The following UGGT1 variants were observed in gnomAD, a reference collection of about 807,000 sequenced individuals.
UGGT1 encodes UDP-glucose:glycoprotein glucosyltransferase 1.
UGGT1 carries 107 observed loss-of-function variants against 203.9 expected under a neutral mutation model. The ratio of observed to expected loss-of-function variants is 0.52; its 90% CI spans 0.45 to 0.62. The LOEUF (loss-of-function observed/expected upper bound fraction) is 0.62. UGGT1 is among the 20% of genes least tolerant of loss of function. The pLI is 0.00. For missense variants in UGGT1, 1,673 were observed against 1,867.2 expected, an observed-to-expected ratio of 0.90 and a Z score of 1.92; for synonymous variants, 628 against 653.5, an observed-to-expected ratio of 0.96 and a Z score of 0.59.
chr2:128,129,120 C>T lies in UGGT1; in HGVS notation c.1318C>T (p.Leu440=). 1.9e-6 allele frequency: 3 copies of T among 1,614,102 alleles called. No individual in the cohort carries two copies. The highest frequency in any genetic ancestry group is 2.5e-6 in the Non-Finnish European group (3 of 1,180,018). Residue 440 remains leucine (L), a synonymous_variant, in exon 13 of 41, where the codon CTG becomes TTG. Transcript: ENST00000259253. The part of the protein sequence containing the change: ...EGLSLHNVLK[L]NIQPSEADYA... ...CCTTTCTCTGCATAATGTTTTGAAG[C>T]TGAACATCCAGCCCTCTGAGGCAGA...
intron 7 of UGGT1, 131 bp downstream of exon 7, chr2:128,115,351 G>A: frequency 1.3e-6 from 1 of 743,740 alleles, no homozygotes; most frequent in South Asian, 1.8e-5. Flanking sequence ...TGTTACACCT[G>A]AGTGGGTGAC....
intron 3 of UGGT1, among the ~76,000 whole-genome samples, chr2:128,105,487 C>CTTTATTTTATTTTATTTTATTTTAT (rs70988607): frequency 1.7e-4 from 25 of 145,436 alleles, no homozygotes; most frequent in African/African-American, 5.5e-4. Flanking sequence ...CTAGATTTTA[C>CTTTATTTTATTTTATTTTATTTTAT]TTTATTTTAT....
chr2:128,168,908 A>C (rs1690935667), intron 26 of UGGT1, among the ~76,000 whole-genome samples: 1 of 152,000 alleles, frequency 6.6e-6, no homozygotes, highest in Non-Finnish European at 1.5e-5. Flanking sequence ...TTAGCTGGGC[A>C]TGGTGGCATG....
chr2:128,132,660 A>G (rs903140133), intron 13 of UGGT1, among the ~76,000 whole-genome samples: 1 of 152,224 alleles, frequency 6.6e-6, no homozygotes, highest in South Asian at 2.1e-4. Flanking sequence ...GTCTTCATCT[A>G]TTCTGTGGCT....
At chr2:128,130,906 A>C (rs1353303932) in intron 13 of UGGT1, among the ~76,000 whole-genome samples, 1 of 152,128 alleles carries the variant, frequency 6.6e-6, no homozygotes, top group Non-Finnish European at 1.5e-5. Context: ...AACCATAGGC[A>C]TGCACCACCT....
intron 4 of UGGT1, 26 bp from the exon 5 acceptor site, chr2:128,109,608 A>G (rs777454399): frequency 1.3e-6 from 2 of 1,562,074 alleles, no homozygotes; most frequent in Non-Finnish European, 1.8e-6. Context: ...AAATTTAAAA[A>G]GTATGTGTTG....
intron 2 of UGGT1, among the ~76,000 whole-genome samples, chr2:128,101,691 A>G (rs1276817661): frequency 6.6e-6 from 1 of 152,172 alleles, no homozygotes; most frequent in Non-Finnish European, 1.5e-5. Flanking sequence ...CAGCTTCTTT[A>G]TTTGAAAAAC....
intron 19 of UGGT1, 25 bp from the exon 20 acceptor site, chr2:128,155,464 A>G (rs199709869): frequency 4.6e-6 from 7 of 1,516,790 alleles, no homozygotes; most frequent in African/African-American, 1.4e-5. Flanking sequence ...GAACTAATAT[A>G]TACGTATTTC....
chr2:128,184,572 G>A (rs923197589), intron 38 of UGGT1, among the ~76,000 whole-genome samples: 3 of 152,044 alleles, frequency 2.0e-5, no homozygotes, highest in African/African-American at 7.2e-5. Flanking sequence ...AATCATTTTT[G>A]TTTCTTTATA....
In UGGT1 at chr2:128,160,543, T is replaced by C. The variant is rs1294850454; in HGVS notation, c.2646T>C (p.Asp882=). The change falls in exon 24 of 41, where the codon GAT becomes GAC. Residue 882 remains aspartate (D), a synonymous_variant. Coordinates refer to ENST00000259253, the MANE Select transcript of UGGT1 (RefSeq NM_020120.4). ...FILSHAVYCR[D]VLKLKKGQRA... is the part of the protein sequence containing the mutation. The stretch of plus-strand genomic sequence containing the variant: ...TGTCTCATGCCGTGTACTGCAGGGA[T>C]GTTCTGAAGCTGAAGAAGGGACAGA... The C allele has an allele frequency of 6.2e-7, 1 of 1,613,478 alleles. No individual in the cohort carries two copies. The highest frequency in any genetic ancestry group is 8.5e-7 in the Non-Finnish European group (1 of 1,179,884).
At chr2:128,145,145 G>C (rs992539708) in intron 17 of UGGT1, among the ~76,000 whole-genome samples, 5 of 152,132 alleles carry the variant, frequency 3.3e-5, no homozygotes, top group Admixed American at 6.5e-5. Flanking sequence ...GTTTTCTGCA[G>C]GTGTAATTTC....
chr2:128,188,102 C>T (rs1045149062), intron 40 of UGGT1, among the ~76,000 whole-genome samples: 5 of 151,490 alleles, frequency 3.3e-5, no homozygotes, highest in Non-Finnish European at 7.4e-5. Context: ...CTCACTGCAG[C>T]CTCCACCTCC....
intron 18 of UGGT1, chr2:128,151,070 T>G (rs562214493): frequency 7.8e-4 from 197 of 253,224 alleles, no homozygotes; most frequent in Middle Eastern, 5.8e-3. Flanking sequence ...AGGCTGGTCT[T>G]GAACTCCTGA....
intron 26 of UGGT1, among the ~76,000 whole-genome samples, chr2:128,170,086 C>A (rs1375419157): frequency 1.3e-5 from 2 of 152,156 alleles, no homozygotes; most frequent in African/African-American, 4.8e-5. Flanking sequence ...TTACATGGAC[C>A]TTTCAGTCCA....
In UGGT1 at chr2:128,178,372, A is replaced by G. The variant is rs186162130; in HGVS notation, c.3714-96A>G. On this transcript the variant is annotated intron_variant, in intron 33 of 40. Transcript: ENST00000259253. Reference sequence around the variant, plus strand: ...TCCTGCTGCAGCTCACCCGCTAGGGAAGGATGGGAAGCGCAGTCTCTTTCC... The same window carrying G: ...TCCTGCTGCAGCTCACCCGCTAGGGGAGGATGGGAAGCGCAGTCTCTTTCC... The G allele has an allele frequency of 1.1e-5, 11 of 1,035,392 alleles. No individual in the cohort carries two copies. The African/African-American group carries it at 1.8e-4, about 17-fold the overall frequency. 64.1% of individuals were successfully genotyped at this position (1,035,392 alleles called of 1,614,324 possible).
intron 15 of UGGT1, among the ~76,000 whole-genome samples, chr2:128,136,350 C>T (rs1485334130): frequency 6.6e-6 from 1 of 152,202 alleles, no homozygotes; most frequent in Admixed American, 6.5e-5. Flanking sequence ...TAAAAATCTC[C>T]TGTGCTTCAC....
rs575084920 is a variant in UGGT1, at chr2:128,128,468, T to C, written c.1227-561T>C. Among the ~76,000 whole-genome samples the C allele has an allele frequency of 7.5e-3, 1,135 of 152,148 alleles. 9 individuals carry two copies. The highest frequency in any genetic ancestry group is 0.012 in the Non-Finnish European group (812 of 67,990). ...CTGGGATTACAGGCACCTGCCACCA[T>C]GCCCAGCTATTTTTTTTGTATTTTT... On this transcript the variant is annotated intron_variant, in intron 12 of 40. Transcript: ENST00000259253.
At chr2:128,160,991 C>T in intron 24 of UGGT1, 147 bp from the exon 25 acceptor site, 1 of 888,874 alleles carries the variant, frequency 1.1e-6, no homozygotes, top group Non-Finnish European at 1.7e-6. Context: ...TATTATTTCA[C>T]TGATTTTATC....
At chr2:128,176,130 G>T (rs1691358476) in intron 31 of UGGT1, among the ~76,000 whole-genome samples, 1 of 152,096 alleles carries the variant, frequency 6.6e-6, no homozygotes, top group South Asian at 2.1e-4. Flanking sequence ...GTAGTGGCCG[G>T]GAGTGATGGG....
Sources: gnomAD v4.1 joint callset for allele counts (sites outside exome capture counted in the v4.1 genomes callset) on GRCh38, gnomAD v4.1.1 for gene constraint, MANE v1.5 for transcripts, NCBI Gene and HGNC (gene_info 2026-07-23, HGNC 2026-07-21) for gene names.